APPL2: variants seen among roughly 807,000 people sequenced by gnomAD.
APPL2 encodes the protein adaptor protein, phosphotyrosine interacting with PH domain and leucine zipper 2.
APPL2 carries 84 observed loss-of-function variants against 92.7 expected under a neutral mutation model. That is an observed-to-expected ratio of 0.91 (90% confidence interval 0.76 to 1.09). The LOEUF is 1.09. APPL2 is among the 50% of genes least tolerant of loss of function. The pLI is 0.00. For synonymous variants in APPL2, 291 were observed against 291.0 expected, an observed-to-expected ratio of 1.00 and a Z score of 0.00; for missense variants, 736 against 824.5, an observed-to-expected ratio of 0.89 and a Z score of 1.31.
chr12:105,219,714 T>A (rs1365029638), intron 2 of APPL2, among the ~76,000 whole-genome samples: 1 of 152,252 alleles, frequency 6.6e-6, no homozygotes, highest in Admixed American at 6.5e-5. Context: ...GACTACTACC[T>A]GTCAACCATC....
intron 1 of APPL2, among the ~76,000 whole-genome samples, chr12:105,234,912 C>CA (rs58188815): frequency 0.12 from 18,113 of 152,054 alleles, 1,226 homozygotes; most frequent in African/African-American, 0.17. Flanking sequence ...AGGAGGATCA[C>CA]AAAAAATGAA....
intron 1 of APPL2, chr12:105,233,017 GAAAC>G (rs1891032614): frequency 3.4e-6 from 3 of 882,016 alleles, no homozygotes; most frequent in Non-Finnish European, 4.1e-6. Context: ...AATCGCAAAA[GAAAC>G]AAACAAAACA....
chr12:105,189,641 A>G, intron 16 of APPL2, 131 bp downstream of exon 16: 1 of 1,087,204 alleles, frequency 9.2e-7, no homozygotes, highest in East Asian at 2.5e-5. Context: ...ATCTTACTAA[A>G]CTTTCAGAAC....
At chr12:105,190,804 T>C (rs1887132097) in intron 14 of APPL2, among the ~76,000 whole-genome samples, 2 of 152,208 alleles carry the variant, frequency 1.3e-5, no homozygotes, top group South Asian at 4.2e-4. Context: ...AGCTTCGCAT[T>C]GTGCCCACAC....
chr12:105,217,773 T>G (rs117675758), intron 2 of APPL2, 48 bp from the exon 3 acceptor site: 5 of 1,554,934 alleles, frequency 3.2e-6, no homozygotes, highest in Admixed American at 1.7e-5. Flanking sequence ...AATGTATACA[T>G]AGTCACTGAA....
intron 2 of APPL2, among the ~76,000 whole-genome samples, chr12:105,224,116 T>A (rs1890322289): frequency 6.6e-6 from 1 of 152,154 alleles, no homozygotes; most frequent in African/African-American, 2.4e-5. Context: ...AATGCCAGCA[T>A]GAGGGAAAGC....
rs548938987 is a variant in APPL2 at position 105,222,150 on chromosome 12, C to T, written c.154-4425G>A. Reference sequence around the variant, plus strand: ...AGTAGTGAGGGGTGTGGCAAGAACGCGGCTGGAGCGTCTCATGCGAGGCAG... The same window carrying T: ...AGTAGTGAGGGGTGTGGCAAGAACGTGGCTGGAGCGTCTCATGCGAGGCAG... On this transcript the variant is annotated intron_variant, in intron 2 of 20. Transcript: ENST00000258530. Among the ~76,000 whole-genome samples the T allele has an allele frequency of 3.3e-5, 5 of 152,132 alleles. No individual in the cohort carries two copies. In the East Asian group the frequency reaches 5.8e-4, roughly 18 times the overall value.
At chr12:105,202,513 G>C (rs1338752380) in intron 9 of APPL2, among the ~76,000 whole-genome samples, 1 of 152,182 alleles carries the variant, frequency 6.6e-6, no homozygotes, top group East Asian at 1.9e-4. Context: ...AGAAGTGCGA[G>C]GAATTCTGAG....
Position 105,173,799 on chromosome 12 carries a change from C to G in APPL2, c.*515G>C, listed in dbSNP as rs565781720. 7 of 152,464 alleles carry G rather than the reference C, an allele frequency of 4.6e-5. No homozygotes were observed. The highest frequency in any genetic ancestry group is 1.7e-4 in the African/African-American group (7 of 41,540). 9.4% of individuals were successfully genotyped at this position (152,464 alleles called of 1,614,324 possible). A position where few individuals can be genotyped will look rare whatever the true frequency, so the allele number is the denominator to read the frequency against. On this transcript the variant is annotated 3_prime_UTR_variant, in exon 21 of 21. Coordinates refer to ENST00000258530, the MANE Select transcript of APPL2 (RefSeq NM_018171.5). ...TGGGCCTCAAAGCAGTGCTCATCAC[C>G]TAACTGCACAAAGAAATGCTATTAG...
intron 8 of APPL2, among the ~76,000 whole-genome samples, chr12:105,206,699 G>A (rs1045743103): frequency 4.6e-5 from 7 of 152,100 alleles, no homozygotes; most frequent in East Asian, 1.9e-4. Flanking sequence ...AAGGAGTGCC[G>A]GGAATCCTGG....
At chr12:105,211,469 A>G in intron 4 of APPL2, 152 bp from the exon 5 acceptor site, 1 of 604,300 alleles carries the variant, frequency 1.7e-6, no homozygotes, top group East Asian at 2.9e-5. Context: ...ATAAAGCAGT[A>G]AATGATATTG....
At chr12:105,194,887 AT>A (rs932245156) in intron 14 of APPL2, among the ~76,000 whole-genome samples, 13 of 151,236 alleles carry the variant, frequency 8.6e-5, no homozygotes, top group South Asian at 4.2e-4. Context: ...ATAAAAGGCG[AT>A]TTTTTTTTCC....
chr12:105,205,403 C>G lies in APPL2; in HGVS notation c.622-1618G>C, dbSNP rs578239256. Reference sequence around the variant, plus strand: ...TAATGACGGTGTGCTCTGCTGTTCCCCCAGAACTGGGGCTACATGTGTGCT... The same window carrying G: ...TAATGACGGTGTGCTCTGCTGTTCCGCCAGAACTGGGGCTACATGTGTGCT... On this transcript the variant is annotated intron_variant, in intron 8 of 20. Coordinates refer to ENST00000258530, the MANE Select transcript of APPL2 (RefSeq NM_018171.5). 3.9e-5 allele frequency among the ~76,000 whole-genome samples: 6 copies of G among 152,302 alleles called. 1 individual carries two copies. The South Asian group carries it at 1.0e-3, about 26-fold the overall frequency.
Position 105,190,137 on chromosome 12 carries a change from T to G in APPL2, c.1260A>C (p.Ser420=). ...SSCPSQNLKN[S]EMENENDKIV... ...TCTTGTCATTTTCATTTTCCATCTCTGAATTTTTCAGGTTCTGGCTGAAGG... is the reference window on the plus strand; with the variant it reads ...TCTTGTCATTTTCATTTTCCATCTCGGAATTTTTCAGGTTCTGGCTGAAGG... The change falls in exon 15 of 21, where the codon TCA becomes TCC. Residue 420 remains serine, a synonymous_variant. Transcript: ENST00000258530. 1 of 1,613,976 alleles carries G rather than the reference T, an allele frequency of 6.2e-7. No homozygotes were observed. Among genetic ancestry groups the G allele is most frequent in the Non-Finnish European group, 8.5e-7 (1 of 1,179,974 alleles).
intron 2 of APPL2, among the ~76,000 whole-genome samples, chr12:105,226,432 G>C (rs1025812195): frequency 6.6e-6 from 1 of 152,136 alleles, no homozygotes; most frequent in Admixed American, 6.5e-5. Flanking sequence ...CATATGCTGC[G>C]CATTAAAAGC....
chr12:105,220,105 G>A (rs1354096630), intron 2 of APPL2, among the ~76,000 whole-genome samples: 2 of 152,186 alleles, frequency 1.3e-5, no homozygotes, highest in Admixed American at 6.5e-5. Flanking sequence ...AAGGATACAC[G>A]GCTGATGAGT....
At chr12:105,210,955 G>A (rs1302769433) in intron 5 of APPL2, among the ~76,000 whole-genome samples, 1 of 152,136 alleles carries the variant, frequency 6.6e-6, no homozygotes, top group Non-Finnish European at 1.5e-5. Flanking sequence ...GCCTTTCTGT[G>A]TGCTGTTTCT....
chr12:105,188,077 C>CTCGA (rs1331383263), intron 17 of APPL2, among the ~76,000 whole-genome samples, 196 bp downstream of exon 17: 1 of 152,038 alleles, frequency 6.6e-6, no homozygotes, highest in Non-Finnish European at 1.5e-5. Context: ...ATTCACTCAC[C>CTCGA]ACTGGATTTT....
intron 8 of APPL2, among the ~76,000 whole-genome samples, chr12:105,206,272 C>T (rs988752779): frequency 6.6e-6 from 1 of 152,186 alleles, no homozygotes; most frequent in Non-Finnish European, 1.5e-5. Context: ...AAGTTGGTGA[C>T]TTTTTCTTAA....
Sources: gnomAD v4.1 joint callset for allele counts (sites outside exome capture counted in the v4.1 genomes callset) on GRCh38, gnomAD v4.1.1 for gene constraint, MANE v1.5 for transcripts, NCBI Gene and HGNC (gene_info 2026-07-23, HGNC 2026-07-21) for gene names.